The following LRBA variants were observed in gnomAD, a reference collection of about 807,000 sequenced individuals.
The protein encoded by LRBA is lipopolysaccharide-responsive and beige-like anchor protein.
LRBA carries 176 observed loss-of-function variants against 330.0 expected under a neutral mutation model. The observed-to-expected ratio is 0.53, with a 90% CI of 0.47 to 0.60. LRBA has a LOEUF of 0.60. LRBA is among the 20% of genes least tolerant of loss of function. The probability of loss-of-function intolerance (pLI) is 0.00; values close to 1 mark genes in which losing one functional copy is unlikely to be tolerated. For synonymous variants in LRBA, 1,230 were observed against 1,193.0 expected, an observed-to-expected ratio of 1.03 and a Z score of -0.64; for missense variants, 3,259 against 3,444.8, an observed-to-expected ratio of 0.95 and a Z score of 1.35.
chr4:150,380,192 C>A (rs372632477), intron 47 of LRBA, among the ~76,000 whole-genome samples: 449 of 146,712 alleles, frequency 3.1e-3, no homozygotes, highest in Non-Finnish European at 3.4e-3. Flanking sequence ...AAAAACAAAA[C>A]AAAACAAAAT....
intron 40 of LRBA, among the ~76,000 whole-genome samples, chr4:150,549,189 GTCCTA>G (rs1437488747): frequency 2.0e-5 from 3 of 151,838 alleles, no homozygotes; most frequent in Middle Eastern, 3.2e-3. Flanking sequence ...GGGTAGCTCT[GTCCTA>G]TTACCAATAT....
intron 37 of LRBA, among the ~76,000 whole-genome samples, chr4:150,661,492 A>G (rs1781101214): frequency 6.6e-6 from 1 of 150,724 alleles, no homozygotes; most frequent in African/African-American, 2.4e-5. Flanking sequence ...AAAAAAGAAG[A>G]AAGAAAGAAA....
chr4:150,737,454 C>T (rs1052595521), intron 35 of LRBA, among the ~76,000 whole-genome samples: 2 of 148,342 alleles, frequency 1.3e-5, no homozygotes, highest in Non-Finnish European at 3.0e-5. Flanking sequence ...AGCGAGACTC[C>T]GACAGAACGA....
At chr4:150,358,027 C>T (rs893985251) in intron 47 of LRBA, among the ~76,000 whole-genome samples, 2 of 152,108 alleles carry the variant, frequency 1.3e-5, no homozygotes, top group Middle Eastern at 6.8e-3. Flanking sequence ...TATTTCTATT[C>T]CTGAGATAAG....
chr4:150,410,283 T>A (rs898737902), intron 47 of LRBA, among the ~76,000 whole-genome samples: 7 of 152,154 alleles, frequency 4.6e-5, no homozygotes, highest in Admixed American at 3.3e-4. Flanking sequence ...TAAAGGTTTA[T>A]GTTGAATAGA....
chr4:150,479,702 A>G (rs1757083562), intron 42 of LRBA, among the ~76,000 whole-genome samples: 1 of 152,208 alleles, frequency 6.6e-6, no homozygotes, highest in African/African-American at 2.4e-5. Context: ...ATGATGGTGT[A>G]TAACTATCAA....
At chr4:150,347,690 A>T (rs888371648) in intron 48 of LRBA, among the ~76,000 whole-genome samples, 3 of 151,976 alleles carry the variant, frequency 2.0e-5, no homozygotes. Context: ...ATTTTATGTT[A>T]TATATATTTA....
At chr4:150,831,323 T>G (rs1747158368) in intron 29 of LRBA, among the ~76,000 whole-genome samples, 1 of 152,178 alleles carries the variant, frequency 6.6e-6, no homozygotes, top group South Asian at 2.1e-4. Context: ...AGATTTTTTG[T>G]TTTGTTTTAG....
At position 150,884,625 on chromosome 4, in the gene LRBA, G is replaced by A. The variant is rs562718686; in HGVS notation, c.2165+8427C>T. Among the ~76,000 whole-genome samples the A allele has an allele frequency of 3.3e-5, 5 of 152,208 alleles. No individual in the cohort carries two copies. In the South Asian group the frequency reaches 1.0e-3, roughly 32 times the overall value. On this transcript the variant is annotated intron_variant, in intron 17 of 56. Coordinates refer to ENST00000651943, the MANE Select transcript of LRBA (RefSeq NM_001364905.1). ...AAAAGGGAAAAAGTAAAAATACTGGGCAGAGAAAAGTCAGAGCTGTAGACC... is the reference window on the plus strand; with the variant it reads ...AAAAGGGAAAAAGTAAAAATACTGGACAGAGAAAAGTCAGAGCTGTAGACC...
chr4:150,335,844 G>A (rs188859616), intron 48 of LRBA, among the ~76,000 whole-genome samples: 2 of 152,124 alleles, frequency 1.3e-5, no homozygotes, highest in Admixed American at 1.3e-4. Context: ...CCACAGGTGT[G>A]TGCCACCATG....
chr4:150,675,646 A>C (rs1782464283), intron 37 of LRBA, among the ~76,000 whole-genome samples: 1 of 152,144 alleles, frequency 6.6e-6, no homozygotes, highest in South Asian at 2.1e-4. Context: ...TGAACCCGGG[A>C]AGTGGAGCTT....
At chr4:150,868,014 G>A in intron 21 of LRBA, 151 bp from the exon 22 acceptor site, 1 of 889,878 alleles carries the variant, frequency 1.1e-6, no homozygotes, top group Non-Finnish European at 1.7e-6. Flanking sequence ...CGACAATGTG[G>A]TACTAAAAAT....
intron 48 of LRBA, among the ~76,000 whole-genome samples, chr4:150,336,728 G>C (rs1734802797): frequency 6.6e-6 from 1 of 152,108 alleles, no homozygotes; most frequent in Admixed American, 6.6e-5. Flanking sequence ...GTACTTTTCA[G>C]GCACATTAAA....
In LRBA at chr4:150,602,742, T is replaced by A. The variant is rs193205054; in HGVS notation, c.5922-3611A>T. Among the ~76,000 whole-genome samples, 789 of 152,264 alleles carry A rather than the reference T, an allele frequency of 5.2e-3. 6 individuals are homozygous for A. The highest frequency in any genetic ancestry group is 0.024 in the Middle Eastern group (7 of 294). The stretch of plus-strand genomic sequence containing the variant: ...TTCCAGGCAAAAGAGGATACAAAAT[T>A]GGCAAATTTATTAATAACATAGTGA... On this transcript the variant is annotated intron_variant, in intron 37 of 56. Coordinates refer to ENST00000651943, the MANE Select transcript of LRBA (RefSeq NM_001364905.1).
At chr4:150,390,424 A>G (rs1300312834) in intron 47 of LRBA, among the ~76,000 whole-genome samples, 1 of 152,150 alleles carries the variant, frequency 6.6e-6, no homozygotes, top group African/African-American at 2.4e-5. Flanking sequence ...TGCCTTTGCT[A>G]TGCTCTGATA....
intron 44 of LRBA, among the ~76,000 whole-genome samples, chr4:150,460,788 C>T (rs1030475383): frequency 1.3e-5 from 2 of 151,768 alleles, no homozygotes; most frequent in Non-Finnish European, 3.0e-5. Flanking sequence ...CCTTGTTCCT[C>T]AAACTCTCTA....
chr4:150,436,897 A>G (rs1396488119), intron 44 of LRBA, 33 bp from the exon 45 acceptor site: 3 of 1,593,550 alleles, frequency 1.9e-6, no homozygotes, highest in African/African-American at 1.3e-5. Flanking sequence ...CAAAGAATAC[A>G]TCAATGTAAT....
chr4:150,437,254 G>T (rs970766975), intron 44 of LRBA, among the ~76,000 whole-genome samples: 3 of 152,002 alleles, frequency 2.0e-5, no homozygotes, highest in African/African-American at 7.2e-5. Flanking sequence ...TCTTAAAGCT[G>T]AAGGACTGAC....
At chr4:150,620,551 A>G (rs1038960605) in intron 37 of LRBA, among the ~76,000 whole-genome samples, 17 of 152,218 alleles carry the variant, frequency 1.1e-4, no homozygotes, top group African/African-American at 4.1e-4. Context: ...ATACGGAATC[A>G]ACCTAAGTGC....
Sources: allele counts gnomAD v4.1 joint callset (sites outside exome capture counted in the v4.1 genomes callset), GRCh38; gene constraint gnomAD v4.1.1; transcripts MANE v1.5; gene names NCBI Gene and HGNC (gene_info 2026-07-23, HGNC 2026-07-21).